PCDHA2: variants seen among roughly 807,000 people sequenced by gnomAD.
PCDHA2 encodes protocadherin alpha 2.
Under a neutral mutation model 66.0 loss-of-function variants are expected in PCDHA2, and 58 were observed. That is an observed-to-expected ratio of 0.88 (90% CI 0.71 to 1.09). The LOEUF (loss-of-function observed/expected upper bound fraction) is 1.09. PCDHA2 is among the 50% of genes least tolerant of loss of function. The pLI, the probability that PCDHA2 is intolerant of heterozygous loss-of-function variation, is 0.00. For missense variants in PCDHA2, 1,267 were observed against 1,242.3 expected (o/e 1.02, Z -0.30); for synonymous variants, 634 against 554.0 (o/e 1.14, Z -2.03).
At chr5:140,858,322 T>C in intron 1 of PCDHA2, 2 of 1,596,852 alleles carry the variant, frequency 1.3e-6, no homozygotes, top group South Asian at 2.2e-5. Flanking sequence ...GGGTGTGTTC[T>C]GGGGAGGGCC....
intron 1 of PCDHA2, chr5:140,870,960 C>T: frequency 6.2e-7 from 1 of 1,613,670 alleles, no homozygotes; most frequent in Non-Finnish European, 8.5e-7. Context: ...GCTCGCGCAT[C>T]CCGTTCCGCG....
At chr5:140,851,968 C>G (rs1409588887) in intron 1 of PCDHA2, 2 of 976,644 alleles carry the variant, frequency 2.0e-6, no homozygotes, top group African/African-American at 3.5e-5. Flanking sequence ...GTTTTCCACA[C>G]TCTACCTTTA....
chr5:140,946,875 G>T (rs1283632599), intron 1 of PCDHA2, among the ~76,000 whole-genome samples: 1 of 151,288 alleles, frequency 6.6e-6, no homozygotes, highest in Non-Finnish European at 1.5e-5. Flanking sequence ...TGGTCAATGG[G>T]TACGAAGTTA....
chr5:140,821,517 CA>C, intron 1 of PCDHA2: 1 of 397,696 alleles, frequency 2.5e-6, no homozygotes, highest in Admixed American at 4.1e-5. Context: ...CTAAATAAAG[CA>C]AAACAAAATA....
intron 1 of PCDHA2, among the ~76,000 whole-genome samples, chr5:140,881,030 A>G (rs959156727): frequency 6.6e-6 from 1 of 152,234 alleles, no homozygotes; most frequent in Non-Finnish European, 1.5e-5. Flanking sequence ...CCCAACAGTC[A>G]TTTCCTATAG....
chr5:140,834,926 C>T (rs2150229096), intron 1 of PCDHA2: 1 of 1,582,826 alleles, frequency 6.3e-7, no homozygotes, highest in African/African-American at 1.4e-5. Context: ...TCTTCCTGGA[C>T]GTGCCAACCA....
At chr5:140,982,608 T>C (rs782789536) in intron 3 of PCDHA2, 45 bp downstream of exon 3, 1 of 1,601,306 alleles carries the variant, frequency 6.2e-7, no homozygotes, top group Non-Finnish European at 8.5e-7. Flanking sequence ...TTCTGGAAAG[T>C]GATCAGATGA....
At chr5:140,946,634 A>ATATATAT (rs1554217761) in intron 1 of PCDHA2, among the ~76,000 whole-genome samples, 3 of 147,376 alleles carry the variant, frequency 2.0e-5, no homozygotes, top group African/African-American at 5.1e-5. Context: ...ATATATATAC[A>ATATATAT]ATGGAATACT....
intron 1 of PCDHA2, among the ~76,000 whole-genome samples, chr5:140,952,008 G>A (rs1427518321): frequency 6.6e-6 from 1 of 152,132 alleles, no homozygotes; most frequent in Non-Finnish European, 1.5e-5. Context: ...AAGAATTATA[G>A]GCCCCATGCA....
chr5:140,970,078 A>G (rs1260486106), intron 1 of PCDHA2, among the ~76,000 whole-genome samples: 2 of 152,124 alleles, frequency 1.3e-5, no homozygotes, highest in African/African-American at 4.8e-5. Context: ...TGAGTGGATT[A>G]GGGGTGTGGG....
At chr5:140,868,907 AC>A in intron 1 of PCDHA2, 2 of 869,128 alleles carry the variant, frequency 2.3e-6, no homozygotes, top group Non-Finnish European at 3.4e-6. Flanking sequence ...GTCGCTCTTT[AC>A]TTGGTGGAAA....
chr5:140,928,109 A>G (rs1472439079), intron 1 of PCDHA2: 1 of 1,614,104 alleles, frequency 6.2e-7, no homozygotes, highest in Middle Eastern at 1.6e-4. Flanking sequence ...CTGGACCGGG[A>G]GCAGATCAGT....
At chr5:140,849,085 G>A (rs2040774319) in intron 1 of PCDHA2, 2 of 1,513,328 alleles carry the variant, frequency 1.3e-6, no homozygotes, top group South Asian at 2.3e-5. Context: ...CTTGTATTAC[G>A]GAAACTTTTA....
In PCDHA2 at chr5:140,974,947, C is replaced by T. The variant is rs145175873; in HGVS notation, c.2389-4002C>T. On this transcript the variant is annotated intron_variant, in intron 1 of 3. Coordinates refer to ENST00000526136, the MANE Select transcript of PCDHA2 (RefSeq NM_018905.3). ...GTTTAAAACACCACCTATTTGTTAT[C>T]TCACAGTCCTGTACCATGTGGCTGA... is the stretch of plus-strand genomic sequence containing the variant. 2.7e-3 allele frequency among the ~76,000 whole-genome samples: 417 copies of T among 152,322 alleles called. 3 individuals carry two copies. The highest frequency in any genetic ancestry group is 2.1e-3 in the Non-Finnish European group (142 of 68,022).
At chr5:140,857,761 C>T in intron 1 of PCDHA2, 1 of 1,597,214 alleles carries the variant, frequency 6.3e-7, no homozygotes. Flanking sequence ...CCGCTGGCAG[C>T]GCGGGCGGTG....
chr5:140,852,495 C>T (rs2042351013), intron 1 of PCDHA2: 1 of 241,812 alleles, frequency 4.1e-6, no homozygotes, highest in Non-Finnish European at 7.2e-6. Context: ...CCAGGTTGGT[C>T]TCGAACTCCT....
chr5:140,979,175 AAT>A, intron 2 of PCDHA2, 168 bp downstream of exon 2: 3 of 951,630 alleles, frequency 3.2e-6, no homozygotes, highest in Non-Finnish European at 3.8e-6. Flanking sequence ...AAAGATCGCA[AAT>A]GGTCAGTGCC....
chr5:140,822,217 G>A (rs1554128520), intron 1 of PCDHA2: 1 of 1,614,270 alleles, frequency 6.2e-7, no homozygotes. Flanking sequence ...AAGAATGCCA[G>A]ATTCGCGGTT....
At chr5:140,875,903 A>G in intron 1 of PCDHA2, 1 of 1,614,184 alleles carries the variant, frequency 6.2e-7, no homozygotes, top group Non-Finnish European at 8.5e-7. Context: ...CCTGTTTCTG[A>G]ATCTGCGCCT....
Sources: allele counts gnomAD v4.1 joint callset (sites outside exome capture counted in the v4.1 genomes callset), GRCh38; gene constraint gnomAD v4.1.1; transcripts MANE v1.5; gene names NCBI Gene and HGNC (gene_info 2026-07-23, HGNC 2026-07-21).